Variants in CHD6 observed in about 807,000 individuals in gnomAD.
CHD6 encodes ATP-dependent chromatin remodeler CHD6.
A neutral mutation model predicts 276.9 loss-of-function variants in CHD6; 50 were observed. The observed-to-expected ratio is 0.18, with a 90% CI of 0.14 to 0.23. CHD6 has a LOEUF of 0.23. CHD6 is among the 10% of genes least tolerant of loss of function. The probability of loss-of-function intolerance (pLI) is 1.00; values close to 1 mark genes in which losing one functional copy is unlikely to be tolerated. For synonymous variants in CHD6, 1,173 were observed against 1,229.3 expected, an observed-to-expected ratio of 0.95 and a Z score of 0.96; for missense variants, 2,564 against 3,365.8, an observed-to-expected ratio of 0.76 and a Z score of 5.89.
At chr20:41,466,307 T>A (rs1312321063) in intron 17 of CHD6, among the ~76,000 whole-genome samples, 4 of 152,146 alleles carry the variant, frequency 2.6e-5, no homozygotes, top group Admixed American at 2.0e-4. Flanking sequence ...TAGCATACAG[T>A]ACAAATTTTT....
intron 1 of CHD6, among the ~76,000 whole-genome samples, chr20:41,595,322 A>C (rs1188927375): frequency 6.6e-6 from 1 of 152,178 alleles, no homozygotes; most frequent in African/African-American, 2.4e-5. Context: ...ATTAAGTCTG[A>C]AGCAAGTGTG....
At chr20:41,536,214 AG>A (rs2044826706) in intron 2 of CHD6, among the ~76,000 whole-genome samples, 1 of 152,214 alleles carries the variant, frequency 6.6e-6, no homozygotes, top group East Asian at 1.9e-4. Context: ...ATGGGCCACA[AG>A]GTGCCAAAAA....
intron 27 of CHD6, among the ~76,000 whole-genome samples, chr20:41,430,491 C>T (rs1201302022): frequency 6.6e-6 from 1 of 152,150 alleles, no homozygotes; most frequent in East Asian, 1.9e-4. Context: ...GGCATAAACC[C>T]ACACCTGAAT....
In CHD6 at chr20:41,533,074, G is replaced by A. The variant is rs144889013; in HGVS notation, c.530C>T (p.Ala177Val). The change falls in exon 3 of 37, where the codon GCC (alanine) becomes GTC (valine). Residue 177 changes from alanine (A) to valine (V), a missense_variant. This residue lies in a region of CHD6 where 286 missense variants were observed against 297.8 expected (regional missense o/e 0.96). Transcript: ENST00000373233. ...KEKRSCTDSA[A>V]RTKSRKASKE... is the part of the protein sequence containing the mutation. ...CCTGGCCTTCCTGGACTTCGTCCTG[G>A]CTGCAGAGTCAGTGCAGCTCCTCTT... 6.2e-6 allele frequency: 10 copies of A among 1,602,320 alleles called. No homozygotes were observed. The East Asian group carries it at 1.3e-4, about 21-fold the overall frequency.
At chr20:41,574,401 G>C (rs962157255) in intron 1 of CHD6, among the ~76,000 whole-genome samples, 2 of 152,046 alleles carry the variant, frequency 1.3e-5, no homozygotes, top group Non-Finnish European at 2.9e-5. Context: ...CAGGTTCCTA[G>C]CTCCTCTACT....
chr20:41,580,098 C>T (rs550462345), intron 1 of CHD6, among the ~76,000 whole-genome samples: 8 of 152,214 alleles, frequency 5.3e-5, no homozygotes, highest in Admixed American at 2.0e-4. Context: ...CCTTTCAAAA[C>T]TTAAGAAAAC....
At chr20:41,513,780 C>T (rs1316057523) in intron 4 of CHD6, among the ~76,000 whole-genome samples, 1 of 152,142 alleles carries the variant, frequency 6.6e-6, no homozygotes, top group Non-Finnish European at 1.5e-5. Flanking sequence ...AAAACAAAAG[C>T]AAAAGCAAAA....
At chr20:41,583,716 AAAGT>A (rs1360649032) in intron 1 of CHD6, among the ~76,000 whole-genome samples, 3 of 152,188 alleles carry the variant, frequency 2.0e-5, no homozygotes, top group Non-Finnish European at 4.4e-5. Context: ...AAAAAATATA[AAAGT>A]AAGATGTATG....
intron 1 of CHD6, among the ~76,000 whole-genome samples, chr20:41,586,069 C>A (rs1277107061): frequency 2.0e-5 from 3 of 152,130 alleles, no homozygotes; most frequent in Admixed American, 6.5e-5. Flanking sequence ...CCTGAGAGCA[C>A]AGGAGGAGGG....
intron 1 of CHD6, among the ~76,000 whole-genome samples, chr20:41,583,951 G>A (rs552470984): frequency 1.2e-4 from 18 of 151,870 alleles, no homozygotes; most frequent in Non-Finnish European, 2.4e-4. Context: ...GGAATAAAGA[G>A]GAAAGGGGAA....
chr20:41,585,964 A>G (rs902592330), intron 1 of CHD6, among the ~76,000 whole-genome samples: 1 of 152,200 alleles, frequency 6.6e-6, no homozygotes, highest in African/African-American at 2.4e-5. Context: ...CTTATAACTC[A>G]GCTCACACCT....
chr20:41,593,863 C>T (rs1162263635), intron 1 of CHD6, among the ~76,000 whole-genome samples: 3 of 152,136 alleles, frequency 2.0e-5, no homozygotes, highest in Non-Finnish European at 2.9e-5. Flanking sequence ...ACCGAACCTG[C>T]TGACATCTTG....
chr20:41,555,784 AG>A (rs1410724343), intron 1 of CHD6, among the ~76,000 whole-genome samples: 7 of 149,596 alleles, frequency 4.7e-5, no homozygotes, highest in African/African-American at 1.7e-4. Context: ...AGCCAGGCAG[AG>A]GGGCTCCTCA....
chr20:41,514,095 C>T (rs1307643405), intron 4 of CHD6, among the ~76,000 whole-genome samples: 2 of 152,202 alleles, frequency 1.3e-5, no homozygotes, highest in African/African-American at 4.8e-5. Flanking sequence ...TATGACATTA[C>T]TAGCTGTCAT....
At chr20:41,524,654 C>T (rs1351447355) in intron 3 of CHD6, among the ~76,000 whole-genome samples, 2 of 152,172 alleles carry the variant, frequency 1.3e-5, no homozygotes, top group African/African-American at 2.4e-5. Context: ...GCTCATGCTT[C>T]TAGTTCATTA....
intron 1 of CHD6, among the ~76,000 whole-genome samples, chr20:41,612,919 A>G (rs1443136333): frequency 3.3e-5 from 5 of 152,190 alleles, no homozygotes; most frequent in African/African-American, 1.2e-4. Context: ...AACAAAAAAA[A>G]TCTCCAGAAT....
chr20:41,487,504 G>A (rs16985835), intron 14 of CHD6, among the ~76,000 whole-genome samples, 161 bp downstream of exon 14: 6,498 of 152,160 alleles, frequency 0.043, 477 homozygotes, highest in African/African-American at 0.15. Context: ...AATAATCAGC[G>A]TACCCGCCCC....
At chr20:41,542,147 AATG>A (rs2044954825) in intron 2 of CHD6, among the ~76,000 whole-genome samples, 1 of 152,216 alleles carries the variant, frequency 6.6e-6, no homozygotes, top group Non-Finnish European at 1.5e-5. Context: ...GCCTAAGTGG[AATG>A]ATGTTTGCTC....
chr20:41,609,207 G>T (rs1390156246), intron 1 of CHD6, among the ~76,000 whole-genome samples: 1 of 152,130 alleles, frequency 6.6e-6, no homozygotes. Context: ...CAGCTACTCA[G>T]GAGGCTGAGG....
Sources: gnomAD v4.1 joint callset for allele counts (sites outside exome capture counted in the v4.1 genomes callset) on GRCh38, gnomAD v4.1.1 for gene constraint, gnomAD v4.1.1 regional missense constraint, MANE v1.5 for transcripts, NCBI Gene and HGNC (gene_info 2026-07-23, HGNC 2026-07-21) for gene names.